Variants in AMD1 observed in about 807,000 individuals in gnomAD.
The protein encoded by AMD1 is S-adenosylmethionine decarboxylase proenzyme.
In AMD1, 11 loss-of-function variants were observed where a neutral mutation model predicts 40.2. The ratio of observed to expected loss-of-function variants is 0.27; its 90% confidence interval spans 0.17 to 0.45. The LOEUF is 0.45. Among genes scored for constraint, AMD1 ranks in the 20% least tolerant of loss-of-function variants. The pLI is 1.00. For missense variants in AMD1, 257 were observed against 410.2 expected (o/e 0.63, Z 3.23); for synonymous variants, 121 against 130.8 (o/e 0.93, Z 0.51).
Position 110,890,285 on chromosome 6 carries a change from A to T in AMD1, c.356A>T (p.Lys119Met). 6.3e-7 allele frequency: 1 copy of T among 1,582,344 alleles called. No individual in the cohort carries two copies. Among genetic ancestry groups the T allele is most frequent in the Non-Finnish European group, 8.5e-7 (1 of 1,172,524 alleles). Reference protein sequence around the residue: ...SFFYSRKNFMKPSHQGYPHRN... With the variant: ...SFFYSRKNFMMPSHQGYPHRN... ...TTTTATTCTCGTAAGAATTTCATGA[A>T]GCCTTCTCACCAAGGGTACCCACAC... The change falls in exon 4 of 9, where the codon AAG (lysine) becomes ATG (methionine). Residue 119 changes from lysine (K) to methionine (M), a missense_variant. By Grantham distance (95) the Lys-to-Met change is moderately conservative. Around this residue, in one of 3 missense-constraint regions of AMD1, gnomAD observed 192 missense variants for 296.5 expected, o/e 0.65. Transcript: ENST00000368885.
intron 4 of AMD1, chr6:110,891,846 A>C (rs1051375873): frequency 6.2e-6 from 2 of 322,624 alleles, no homozygotes; most frequent in African/African-American, 4.3e-5. Context: ...GGGTTCAAGC[A>C]GTTCTCCTGC....
At chr6:110,815,134 C>T in the AMD1 span, 1 of 1,596,226 alleles carries the variant, frequency 6.3e-7, no homozygotes, top group Non-Finnish European at 8.5e-7. Flanking sequence ...AATCATAATC[C>T]ATTGTCTGCT....
chr6:110,850,426 G>T, the AMD1 span, among the ~76,000 whole-genome samples: 1 of 152,086 alleles, frequency 6.6e-6, no homozygotes, highest in African/African-American at 2.4e-5. Flanking sequence ...TCAGAAAACT[G>T]GTTTCTCTGT....
the AMD1 span, among the ~76,000 whole-genome samples, chr6:110,853,309 T>C: frequency 7.2e-6 from 1 of 139,120 alleles, no homozygotes; most frequent in East Asian, 3.5e-4. Context: ...TTGTGGGTTT[T>C]TTGTTTTTTT....
the AMD1 span, among the ~76,000 whole-genome samples, chr6:110,834,340 T>A: frequency 6.6e-6 from 1 of 151,540 alleles, no homozygotes; most frequent in East Asian, 1.9e-4. Flanking sequence ...CCTCATCTCC[T>A]AAAAAATAAT....
the AMD1 span, among the ~76,000 whole-genome samples, chr6:110,854,022 G>A: frequency 4.6e-5 from 7 of 152,302 alleles, no homozygotes; most frequent in South Asian, 1.5e-3. Context: ...CTTGGCAGGG[G>A]TGAAGGAAAA....
At chr6:110,877,486 C>A (rs1311015968) in intron 1 of AMD1, among the ~76,000 whole-genome samples, 1 of 152,218 alleles carries the variant, frequency 6.6e-6, no homozygotes, top group Non-Finnish European at 1.5e-5. Context: ...CCCAGAGACC[C>A]CAGGGAAGGA....
At chr6:110,853,259 A>C in the AMD1 span, among the ~76,000 whole-genome samples, 1 of 150,722 alleles carries the variant, frequency 6.6e-6, no homozygotes, top group East Asian at 1.9e-4. Context: ...AATAGCTGAG[A>C]CTACAGGTGT....
the AMD1 span, among the ~76,000 whole-genome samples, chr6:110,836,600 T>C: frequency 6.6e-6 from 1 of 152,078 alleles, no homozygotes; most frequent in Admixed American, 6.6e-5. Flanking sequence ...TCTATGCTAA[T>C]ATTTTCTTTC....
upstream of AMD1, among the ~76,000 whole-genome samples, chr6:110,873,964 TAGA>T (rs1784969117): frequency 6.6e-6 from 1 of 152,248 alleles, no homozygotes; most frequent in African/African-American, 2.4e-5. Flanking sequence ...ATTCAGTTTC[TAGA>T]AGTAGTTTTG....
chr6:110,879,276 A>G (rs1785276562), intron 1 of AMD1, among the ~76,000 whole-genome samples: 1 of 152,134 alleles, frequency 6.6e-6, no homozygotes, highest in South Asian at 2.1e-4. Context: ...TTTTTGAGCC[A>G]TTGGGGGATC....
At chr6:110,814,801 C>T in the AMD1 span, 1 of 698,652 alleles carries the variant, frequency 1.4e-6, no homozygotes, top group Admixed American at 2.2e-5. Flanking sequence ...CCGGGCTGCG[C>T]CGCGGGAGTT....
intron 1 of AMD1, among the ~76,000 whole-genome samples, chr6:110,877,783 A>G (rs1785195185): frequency 6.6e-6 from 1 of 152,240 alleles, no homozygotes; most frequent in Non-Finnish European, 1.5e-5. Flanking sequence ...ATCATGGCTC[A>G]CTGCAGCCTT....
the AMD1 span, among the ~76,000 whole-genome samples, chr6:110,857,577 G>GTA: frequency 1.8e-4 from 25 of 141,042 alleles, no homozygotes; most frequent in East Asian, 2.0e-4. Context: ...ATATAATATG[G>GTA]TATATATATA....
At chr6:110,858,713 A>C in the AMD1 span, 1 of 817,712 alleles carries the variant, frequency 1.2e-6, no homozygotes, top group Non-Finnish European at 2.1e-6. Flanking sequence ...CGACGCCACC[A>C]TGAAGGCTGG....
the AMD1 span, among the ~76,000 whole-genome samples, chr6:110,825,017 A>G: frequency 0.29 from 43,779 of 151,992 alleles, 6,987 homozygotes; most frequent in East Asian, 0.68. Context: ...AGACTGCAAT[A>G]CCCAGTATAG....
chr6:110,835,800 G>A, the AMD1 span, among the ~76,000 whole-genome samples: 1 of 151,838 alleles, frequency 6.6e-6, no homozygotes, highest in Non-Finnish European at 1.5e-5. Flanking sequence ...AGGAGGCAGA[G>A]GTTGCAGTGA....
the AMD1 span, among the ~76,000 whole-genome samples, chr6:110,830,943 A>C: frequency 6.6e-6 from 1 of 152,168 alleles, no homozygotes; most frequent in South Asian, 2.1e-4. Flanking sequence ...TTTTGTAGAG[A>C]TGGCATTTCA....
At chr6:110,834,594 A>G in the AMD1 span, among the ~76,000 whole-genome samples, 1 of 152,046 alleles carries the variant, frequency 6.6e-6, no homozygotes, top group Non-Finnish European at 1.5e-5. Context: ...AGGCCAAGGC[A>G]GGAAGATTGC....
Sources: gnomAD v4.1 joint callset for allele counts (sites outside exome capture counted in the v4.1 genomes callset) on GRCh38, gnomAD v4.1.1 for gene constraint, gnomAD v4.1.1 regional missense constraint, MANE v1.5 for transcripts, NCBI Gene and HGNC (gene_info 2026-07-23, HGNC 2026-07-21) for gene names.